Variants in CSGALNACT1 observed in about 807,000 individuals in gnomAD.
The protein encoded by CSGALNACT1 is beta4GalNAcT-1.
CSGALNACT1 carries 52 observed loss-of-function variants against 51.0 expected under a neutral mutation model. The observed-to-expected ratio is 1.02, with a 90% CI of 0.82 to 1.29. CSGALNACT1 has a LOEUF of 1.29. Among genes scored for constraint, CSGALNACT1 ranks in the 50% most tolerant of loss-of-function variants. CSGALNACT1 has a pLI of 0.00. For synonymous variants in CSGALNACT1, 341 were observed against 254.4 expected (o/e 1.34, Z -3.24); for missense variants, 935 against 679.2 (o/e 1.38, Z -4.19).
intron 4 of CSGALNACT1, among the ~76,000 whole-genome samples, chr8:19,469,992 C>A (rs2067739794): frequency 6.6e-6 from 1 of 152,124 alleles, no homozygotes; most frequent in African/African-American, 2.4e-5. Flanking sequence ...GGGTAGAAAT[C>A]AGAGGAATTA....
At chr8:19,711,936 T>C (rs2062529930) in intron 1 of CSGALNACT1, among the ~76,000 whole-genome samples, 1 of 152,182 alleles carries the variant, frequency 6.6e-6, no homozygotes, top group African/African-American at 2.4e-5. Flanking sequence ...ACTCTAAAGG[T>C]GGTGCTAAAC....
At chr8:19,499,830 C>A (rs2076112956) in intron 4 of CSGALNACT1, among the ~76,000 whole-genome samples, 1 of 152,192 alleles carries the variant, frequency 6.6e-6, no homozygotes, top group Admixed American at 6.5e-5. Context: ...GACACATGAA[C>A]ATTAATTCTA....
exon 4 of CSGALNACT1, chr8:19,505,669 C>G (rs1032885006): frequency 6.2e-7 from 1 of 1,614,144 alleles, no homozygotes. Flanking sequence ...GCCTGGTACC[C>G]CTCCTTCCCC....
chr8:19,585,929 T>C (rs1182171236), intron 3 of CSGALNACT1, among the ~76,000 whole-genome samples: 1 of 152,204 alleles, frequency 6.6e-6, no homozygotes, highest in Non-Finnish European at 1.5e-5. Flanking sequence ...AGATTTGCAA[T>C]GGAACTGTGC....
At chr8:19,493,838 T>C (rs1438899988) in intron 4 of CSGALNACT1, among the ~76,000 whole-genome samples, 2 of 151,434 alleles carry the variant, frequency 1.3e-5, no homozygotes, top group African/African-American at 4.9e-5. Flanking sequence ...TGTGTTTTCA[T>C]TTCTCATCAG....
chr8:19,471,535 C>T (rs1191364858), intron 4 of CSGALNACT1, among the ~76,000 whole-genome samples: 1 of 152,140 alleles, frequency 6.6e-6, no homozygotes, highest in Non-Finnish European at 1.5e-5. Flanking sequence ...CTGCTTCATG[C>T]CCCTCAGTCG....
intron 1 of CSGALNACT1, among the ~76,000 whole-genome samples, chr8:19,742,266 T>C (rs1334029100): frequency 6.6e-6 from 1 of 152,220 alleles, no homozygotes; most frequent in Non-Finnish European, 1.5e-5. Context: ...AAATGGCAGC[T>C]GGTCTAACCC....
At chr8:19,577,010 C>A (rs546909931) in intron 3 of CSGALNACT1, among the ~76,000 whole-genome samples, 3 of 152,250 alleles carry the variant, frequency 2.0e-5, no homozygotes, top group South Asian at 4.2e-4. Context: ...GCCCTCCACA[C>A]CCACCTCAAA....
At chr8:19,515,026 C>T (rs1303797872) in intron 3 of CSGALNACT1, among the ~76,000 whole-genome samples, 1 of 152,098 alleles carries the variant, frequency 6.6e-6, no homozygotes, top group Non-Finnish European at 1.5e-5. Context: ...TACAAGTGTC[C>T]TTGGGGCAGG....
intron 1 of CSGALNACT1, among the ~76,000 whole-genome samples, chr8:19,668,875 A>G (rs2059580965): frequency 6.6e-6 from 1 of 152,162 alleles, no homozygotes; most frequent in African/African-American, 2.4e-5. Flanking sequence ...TAAAATGGGA[A>G]AATGGGATCA....
chr8:19,475,522 T>A (rs76889118), intron 4 of CSGALNACT1, among the ~76,000 whole-genome samples: 1 of 152,248 alleles, frequency 6.6e-6, no homozygotes, highest in Non-Finnish European at 1.5e-5. Context: ...GTCAGAAGCA[T>A]CAATCTTGTG....
chr8:19,492,141 T>A (rs563995218), intron 4 of CSGALNACT1, among the ~76,000 whole-genome samples: 59 of 152,298 alleles, frequency 3.9e-4, no homozygotes, highest in African/African-American at 1.4e-3. Flanking sequence ...GTCTATAAAT[T>A]TACAGGATTT....
chr8:19,405,822 G>C (rs932909094), exon 10 of CSGALNACT1: 4 of 1,614,030 alleles, frequency 2.5e-6, no homozygotes, highest in African/African-American at 1.3e-5. Flanking sequence ...GTTTGCGAAG[G>C]TGAGCCTCTA....
chr8:19,478,988 T>C (rs1290062660), intron 4 of CSGALNACT1, among the ~76,000 whole-genome samples: 3 of 152,326 alleles, frequency 2.0e-5, no homozygotes, highest in Admixed American at 1.3e-4. Context: ...GGATGAGTTC[T>C]TGAATGACTG....
intron 1 of CSGALNACT1, among the ~76,000 whole-genome samples, chr8:19,729,097 G>T (rs1316776046): frequency 1.3e-5 from 2 of 151,476 alleles, no homozygotes; most frequent in Non-Finnish European, 2.9e-5. Flanking sequence ...ATATAAACCA[G>T]TTAAATGTGA....
upstream of CSGALNACT1, among the ~76,000 whole-genome samples, chr8:19,604,034 T>C (rs2050988179): frequency 6.6e-6 from 1 of 152,194 alleles, no homozygotes; most frequent in Non-Finnish European, 1.5e-5. Context: ...TCCTCCCTCT[T>C]TTTCCAGTGA....
intron 3 of CSGALNACT1, among the ~76,000 whole-genome samples, chr8:19,587,425 A>G (rs2046891320): frequency 6.6e-6 from 1 of 152,192 alleles, no homozygotes; most frequent in Non-Finnish European, 1.5e-5. Context: ...CATGGGTGGT[A>G]AGGATGCTGT....
At chr8:19,653,760 T>C (rs1239765112) in intron 1 of CSGALNACT1, among the ~76,000 whole-genome samples, 1 of 151,442 alleles carries the variant, frequency 6.6e-6, no homozygotes, top group Non-Finnish European at 1.5e-5. Context: ...ATTTTGCCAC[T>C]GCACTCCAGC....
chr8:19,630,961 G>A (rs964434965), intron 1 of CSGALNACT1, among the ~76,000 whole-genome samples: 23 of 152,178 alleles, frequency 1.5e-4, no homozygotes, highest in African/African-American at 5.3e-4. Flanking sequence ...AGCCAATATT[G>A]ACATGTTATT....
Sources: gnomAD v4.1 joint callset for allele counts (sites outside exome capture counted in the v4.1 genomes callset) on GRCh38, gnomAD v4.1.1 for gene constraint, MANE v1.5 for transcripts, NCBI Gene and HGNC (gene_info 2026-07-23, HGNC 2026-07-21) for gene names.